RHBDF1: variants seen among roughly 807,000 people sequenced by gnomAD.
RHBDF1 encodes rhomboid 5 homolog 1.
RHBDF1 carries 80 observed loss-of-function variants against 98.6 expected under a neutral mutation model. That is an observed-to-expected ratio of 0.81 (90% confidence interval 0.68 to 0.98). The LOEUF is 0.98. Ranked by LOEUF, RHBDF1 falls within the 50% of genes least tolerant of loss-of-function variation. The probability of loss-of-function intolerance (pLI) is 0.00; values close to 1 mark genes in which losing one functional copy is unlikely to be tolerated. For synonymous variants in RHBDF1, 512 were observed against 486.8 expected, an observed-to-expected ratio of 1.05 and a Z score of -0.68; for missense variants, 1,116 against 1,198.3, an observed-to-expected ratio of 0.93 and a Z score of 1.01.
chr16:60,525 C>A lies in RHBDF1; in HGVS notation c.1572G>T (p.Val524=). Residue 524 remains valine (V), a synonymous_variant, in exon 12 of 18, where the codon GTG becomes GTT. Transcript: ENST00000262316. ...SEEECSSTLA[V]WVKWPIHPSA... ...TGGGATGGATGGGCCACTTCACCCA[C>A]ACTGCCAGCGTGGACTGTGGGAGGG... The A allele has an allele frequency of 6.2e-7, 1 of 1,609,026 alleles. No individual in the cohort carries two copies. Among genetic ancestry groups the A allele is most frequent in the Non-Finnish European group, 8.5e-7 (1 of 1,179,944 alleles).
Position 58,311 on chromosome 16 carries a change from G to A in RHBDF1, c.*29C>T, listed in dbSNP as rs1345233933. 1.9e-6 allele frequency: 3 copies of A among 1,591,946 alleles called. No individual in the cohort carries two copies. Among genetic ancestry groups the A allele is most frequent in the Non-Finnish European group, 2.6e-6 (3 of 1,168,290 alleles). ...TCGTGTCTGGCTCTGGCCTGCTGGA[G>A]CACACGGCCGCTGGAGCCCGCAGCC... On this transcript the variant is annotated 3_prime_UTR_variant, in exon 18 of 18. Transcript: ENST00000262316.
intron 7 of RHBDF1, 167 bp from the exon 8 acceptor site, chr16:62,219 G>A (rs963798067): frequency 4.8e-5 from 47 of 969,190 alleles, no homozygotes; most frequent in Non-Finnish European, 6.9e-5. Flanking sequence ...GGGCCTCCGG[G>A]GATGGCAGGG....
intron 1 of RHBDF1, among the ~76,000 whole-genome samples, chr16:66,415 A>G (rs1255502003): frequency 6.6e-6 from 1 of 152,154 alleles, no homozygotes; most frequent in Non-Finnish European, 1.5e-5. Flanking sequence ...GCACAATTAG[A>G]GACAGCCCAG....
chr16:62,774 C>T lies in RHBDF1; in HGVS notation c.795+1G>A, dbSNP rs1206942642. On this transcript the variant is annotated splice_donor_variant, in intron 6 of 17. Transcript: ENST00000262316. LOFTEE classifies it high-confidence loss of function. ...GGGGGGACACCCCGGGCACTTCTTA[C>T]CCGGGCAAAGAAGGATGTGTCCAGC... is the stretch of plus-strand genomic sequence containing the variant. 8 of 1,613,968 alleles carry T rather than the reference C, an allele frequency of 5.0e-6. No homozygotes were observed. The highest frequency in any genetic ancestry group is 6.8e-6 in the Non-Finnish European group (8 of 1,180,036).
Position 61,446 on chromosome 16 carries a change from C to T in RHBDF1, c.1334G>A (p.Arg445His). The T allele has an allele frequency of 1.2e-6, 2 of 1,612,524 alleles. No individual in the cohort carries two copies. Among genetic ancestry groups the T allele is most frequent in the East Asian group, 2.2e-5 (1 of 44,868 alleles). The part of the protein sequence containing the change: ...HETVDSVLRN[R>H]GVYENVKYVQ... ...GTACTTGACGTTCTCGTAGACCCCG[C>T]GGTTCCGCAGCACCTGGGAGGTTGG... is the stretch of plus-strand genomic sequence containing the variant. Residue 445 changes from arginine (R) to histidine (H), a missense_variant, in exon 10 of 18, where the codon CGC becomes CAC. Transcript: ENST00000262316.
Position 59,120 on chromosome 16 carries a change from G to A in RHBDF1, c.2002C>T (p.His668Tyr). 1 of 1,613,378 alleles carries A rather than the reference G, an allele frequency of 6.2e-7. No homozygotes were observed. The highest frequency in any genetic ancestry group is 1.3e-5 in the African/African-American group (1 of 75,046). The change falls in exon 17 of 18, where the codon CAC (histidine) becomes TAC (tyrosine). Residue 668 changes from histidine (H) to tyrosine (Y), a missense_variant. Physicochemically the swap from His to Tyr is moderately conservative, Grantham distance 83 (BLOSUM62 2). Transcript: ENST00000262316. ...TGGAAGCAGATGGACACCAGGCAGT[G>A]CAAGATCCTGTAGTCAGTAGCAGGC... Reference protein sequence around the residue: ...LSLFLHAGILHCLVSICFQMT... With the variant: ...LSLFLHAGILYCLVSICFQMT...
chr16:61,255 C>G lies in RHBDF1; in HGVS notation c.1422G>C (p.Lys474Asn). ...SSEALIHLGAKFSPCMRQDPQ... is the reference protein window; with the variant it reads ...SSEALIHLGANFSPCMRQDPQ... Reference sequence around the variant, plus strand: ...GGTCCTGGCGCATGCAGGGCGAAAACTTGGCGCCCAGGTGGATGAGGGCCT... The same window carrying G: ...GGTCCTGGCGCATGCAGGGCGAAAAGTTGGCGCCCAGGTGGATGAGGGCCT... The change falls in exon 11 of 18, where the codon AAG becomes AAC. Residue 474 changes from lysine to asparagine, a missense_variant. Lys to Asn is a moderately conservative substitution (Grantham distance 94, BLOSUM62 0). Coordinates refer to ENST00000262316, the MANE Select transcript of RHBDF1 (RefSeq NM_022450.5). 2 of 1,545,178 alleles carry G rather than the reference C, an allele frequency of 1.3e-6. No individual in the cohort carries two copies. The highest frequency in any genetic ancestry group is 1.7e-6 in the Non-Finnish European group (2 of 1,144,192).
intron 17 of RHBDF1, 71 bp downstream of exon 17, chr16:58,903 T>C: frequency 6.3e-7 from 1 of 1,582,964 alleles, no homozygotes; most frequent in African/African-American, 1.3e-5. Context: ...GACTCAGTGC[T>C]CGATATGGAC....
In RHBDF1 at chr16:59,039, T is replaced by C; in HGVS notation, c.2083A>G (p.Ile695Val). 1 of 1,613,476 alleles carries C rather than the reference T, an allele frequency of 6.2e-7. No homozygotes were observed. The highest frequency in any genetic ancestry group is 2.2e-5 in the East Asian group (1 of 44,878). Reference protein sequence around the residue: ...KLAGWHRIAIIYLLSGVTGNL... With the variant: ...KLAGWHRIAIVYLLSGVTGNL... ...CCGGTGACACCACTCAGCAGGTAGA[T>C]GATGGCTATGCGGTGCCAGCCTGCC... Residue 695 changes from isoleucine to valine, a missense_variant, in exon 17 of 18, where the codon ATC becomes GTC. Coordinates refer to ENST00000262316, the MANE Select transcript of RHBDF1 (RefSeq NM_022450.5).
At chr16:73,292 C>A (rs1898025025), upstream of RHBDF1, among the ~76,000 whole-genome samples, 1 of 152,286 alleles carries the variant, frequency 6.6e-6, no homozygotes, top group South Asian at 2.1e-4. Context: ...ACCCCTCCCC[C>A]TGCCCTGTGC....
Position 61,283 on chromosome 16 carries a change from TGC to T in RHBDF1, c.1396-4_1396-3del. The stretch of plus-strand genomic sequence containing the variant: ...GGCGCCCAGGTGGATGAGGGCCTCC[TGC>T]GGGCGAGGGAGACGAGCGGCCGCAG... On this transcript the variant is annotated splice_polypyrimidine_tract_variant and splice_region_variant and intron_variant, in intron 10 of 17. Transcript: ENST00000262316. The T allele has an allele frequency of 6.5e-7, 1 of 1,543,500 alleles. No homozygotes were observed. Among genetic ancestry groups the T allele is most frequent in the Non-Finnish European group, 8.7e-7 (1 of 1,143,534 alleles).
upstream of RHBDF1, chr16:74,712 G>A (rs569779563): frequency 6.6e-6 from 1 of 152,284 alleles, no homozygotes; most frequent in East Asian, 1.9e-4. Context: ...GATGAAGCAA[G>A]TGAAGAATCA....
At position 68,298 on chromosome 16, in the gene RHBDF1, G is replaced by A. The variant is rs571308425; in HGVS notation, c.-24-3259C>T. On this transcript the variant is annotated intron_variant, in intron 1 of 17. Coordinates refer to ENST00000262316, the MANE Select transcript of RHBDF1 (RefSeq NM_022450.5). The stretch of plus-strand genomic sequence containing the variant: ...CCTGTGTGCCTAGATCCCCATCTGG[G>A]CCTCAAGTGGGTGGGATTCCAAAGG... Among the ~76,000 whole-genome samples, 8 of 152,350 alleles carry A rather than the reference G, an allele frequency of 5.3e-5. No homozygotes were observed. In the East Asian group the frequency reaches 1.5e-3, roughly 29 times the overall value.
At chr16:61,048 C>T in intron 11 of RHBDF1, 72 bp downstream of exon 11, 2 of 1,456,410 alleles carry the variant, frequency 1.4e-6, no homozygotes, top group Non-Finnish European at 1.8e-6. Context: ...GATCACTCTG[C>T]CGAGTCTATC....
At chr16:60,635 C>T in intron 11 of RHBDF1, 96 bp from the exon 12 acceptor site, 5 of 794,792 alleles carry the variant, frequency 6.3e-6, no homozygotes, top group Non-Finnish European at 8.3e-6. Flanking sequence ...CTGAGCTCTT[C>T]CCTCCGCTTC....
At chr16:59,204 C>T (rs1488414819) in intron 16 of RHBDF1, 45 bp downstream of exon 16, 1 of 1,592,382 alleles carries the variant, frequency 6.3e-7, no homozygotes, top group East Asian at 2.2e-5. Context: ...GCCAGCCAAT[C>T]CTGAGGGCCC....
In RHBDF1 at chr16:60,282, G is replaced by A. The variant is rs752310718; in HGVS notation, c.1659-3C>T. ...CGGAGGAGGGCTCATCACACACCCTGCATGAGCCAAGTATGTGGTCAGACC... is the reference window on the plus strand; with the variant it reads ...CGGAGGAGGGCTCATCACACACCCTACATGAGCCAAGTATGTGGTCAGACC... On this transcript the variant is annotated splice_polypyrimidine_tract_variant and splice_region_variant and intron_variant, in intron 12 of 17. Transcript: ENST00000262316. 1.2e-6 allele frequency: 2 copies of A among 1,613,994 alleles called. No homozygotes were observed. Among genetic ancestry groups the A allele is most frequent in the Non-Finnish European group, 1.7e-6 (2 of 1,179,986 alleles).
chr16:63,291 G>A (rs1897715827), intron 4 of RHBDF1, 109 bp from the exon 5 acceptor site: 2 of 969,136 alleles, frequency 2.1e-6, no homozygotes, highest in East Asian at 2.6e-5. Flanking sequence ...GACTCCTCAC[G>A]GGCCCCTGGA....
rs201226827 is a variant in RHBDF1 at position 59,376 on chromosome 16, C to T, written c.1894-27G>A. On this transcript the variant is annotated intron_variant, in intron 15 of 17. Coordinates refer to ENST00000262316, the MANE Select transcript of RHBDF1 (RefSeq NM_022450.5). ...TGCGCAGAGCAGCATATCAGCATCACAGTAGCTGGGGGAGGGGAACGACGG... is the reference window on the plus strand; with the variant it reads ...TGCGCAGAGCAGCATATCAGCATCATAGTAGCTGGGGGAGGGGAACGACGG... The T allele has an allele frequency of 1.9e-4, 309 of 1,611,876 alleles. 1 individual carries two copies. In the Middle Eastern group the frequency reaches 2.0e-3, roughly 10 times the overall value.
Sources: allele counts gnomAD v4.1 joint callset (sites outside exome capture counted in the v4.1 genomes callset), GRCh38; gene constraint gnomAD v4.1.1; transcripts MANE v1.5; gene names NCBI Gene and HGNC (gene_info 2026-07-23, HGNC 2026-07-21).